TTN: variants seen among roughly 807,000 people sequenced by gnomAD.
TTN encodes the protein titin, also known as connectin.
A neutral mutation model predicts 3,223.0 loss-of-function variants in TTN; 1,525 were observed. The ratio of observed to expected loss-of-function variants is 0.47; its 90% CI spans 0.45 to 0.49. TTN has a LOEUF of 0.49. Among genes scored for constraint, TTN ranks in the 20% least tolerant of loss-of-function variants. The pLI is 0.00. For synonymous variants in TTN, 14,094 were observed against 15,161.0 expected (o/e 0.93, Z 5.17); for missense variants, 40,786 against 43,424.0 (o/e 0.94, Z 5.40).
At chr2:178,771,750 G>C (rs774373735) in intron 33 of TTN, among the ~76,000 whole-genome samples, 1 of 152,072 alleles carries the variant, frequency 6.6e-6, no homozygotes, top group South Asian at 2.1e-4. Context: ...TATACCACCA[G>C]GATAGTCTCT....
At position 178,729,528 on chromosome 2, in the gene TTN, C is replaced by T. The variant is rs766360972; in HGVS notation, c.18628G>A (p.Val6210Ile). The T allele has an allele frequency of 3.7e-6, 6 of 1,613,374 alleles. No individual in the cohort carries two copies. In the African/African-American group the frequency reaches 8.0e-5, roughly 22 times the overall value. The part of the protein sequence containing the change: ...TFIRELKPVE[V>I]VKYSDVELEC... ...AGCTCCACGTCACTATATTTTACTA[C>T]CTCCACAGGCTTCAGCTCTCTGATA... is the stretch of plus-strand genomic sequence containing the variant. The change falls in exon 64 of 363, where the codon GTA (valine) becomes ATA (isoleucine). Residue 6210 changes from valine (V) to isoleucine (I), a missense_variant. By Grantham distance (29) the Val-to-Ile change is conservative. Coordinates refer to ENST00000589042, the MANE Select transcript of TTN (RefSeq NM_001267550.2).
intron 37 of TTN, 26 bp downstream of exon 37, chr2:178,769,653 A>G (rs772868001): frequency 4.1e-5 from 42 of 1,032,714 alleles, no homozygotes; most frequent in East Asian, 6.4e-5. Flanking sequence ...ATATGTGTAT[A>G]TATATATATA....
In TTN at chr2:178,725,374, C is replaced by A. The variant is rs2079162110; in HGVS notation, c.20830G>T (p.Val6944Phe). 6.4e-7 allele frequency: 1 copy of A among 1,563,132 alleles called. No individual in the cohort carries two copies. The highest frequency in any genetic ancestry group is 8.7e-7 in the Non-Finnish European group (1 of 1,152,410). Residue 6944 changes from valine (V) to phenylalanine (F), a missense_variant, in exon 71 of 363, where the codon GTC (valine) becomes TTC (phenylalanine). Transcript: ENST00000589042. The part of the protein sequence containing the change: ...GMRENMATLM[V>F]LEPAVIVEKA... The stretch of plus-strand genomic sequence containing the variant: ...CGTGGGCTATTGTACCAACCTAAGA[C>A]CATCAGTGTGGCCATGTTCTCCCTC...
At chr2:178,726,578 C>G (rs1422452329) in intron 69 of TTN, 1 of 150,358 alleles carries the variant, frequency 6.7e-6, no homozygotes, top group Non-Finnish European at 1.5e-5. Flanking sequence ...AACACAGATA[C>G]TATTTGTACC....
chr2:178,579,710 T>C lies in TTN; in HGVS notation c.67487A>G (p.Lys22496Arg), dbSNP rs397517669. 1.3e-5 allele frequency: 21 copies of C among 1,613,332 alleles called. No homozygotes were observed. Among genetic ancestry groups the C allele is most frequent in the Non-Finnish European group, 1.7e-5 (20 of 1,179,538 alleles). The change falls in exon 319 of 363, where the codon AAG becomes AGG. Residue 22496 changes from lysine (K) to arginine (R), a missense_variant. Physicochemically the swap from Lys to Arg is conservative, Grantham distance 26 (BLOSUM62 2). Coordinates refer to ENST00000589042, the MANE Select transcript of TTN (RefSeq NM_001267550.2). Reference protein sequence around the residue: ...YVVDFLTEENKWQRVMKSLSL... With the variant: ...YVVDFLTEENRWQRVMKSLSL... ...TAAGGATTTCATAACTCGTTGCCAC[T>C]TATTTTCTTCAGTCAGGAAATCAAC...
intron 294 of TTN, among the ~76,000 whole-genome samples, chr2:178,597,176 T>G (rs2051927737): frequency 6.6e-6 from 1 of 152,082 alleles, no homozygotes; most frequent in Non-Finnish European, 1.5e-5. Context: ...TGGGGGCAAG[T>G]TCTATAAAAA....
Position 178,565,987 on chromosome 2 carries a change from G to C in TTN, c.80145C>G (p.Val26715=), listed in dbSNP as rs761074887. The change falls in exon 326 of 363, where the codon GTC becomes GTG. Residue 26715 remains valine, a synonymous_variant. Transcript: ENST00000589042. ...CACGTTTGTCAATCACATAGTTCTT[G>C]ACCTTTGCCCCTCCATCAATGATGG... ...EPPIIDGGAK[V]KNYVIDKRES... is the part of the protein sequence containing the mutation. 3.7e-6 allele frequency: 6 copies of C among 1,613,404 alleles called. No homozygotes were observed. The East Asian group carries it at 1.3e-4, about 36-fold the overall frequency.
chr2:178,562,217 A>G lies in TTN; in HGVS notation c.83915T>C (p.Phe27972Ser), dbSNP rs1703936527. The change falls in exon 326 of 363, where the codon TTC becomes TCC. Residue 27972 changes from phenylalanine to serine, a missense_variant. Phe to Ser is a radical substitution (Grantham distance 155). Transcript: ENST00000589042. The part of the protein sequence containing the change: ...KPSVELPFHT[F>S]NVKAREQLKI... ...AAGTTGTTCTCTAGCCTTTACATTG[A>G]AAGTATGGAAAGGAAGCTCAACTGA... The G allele has an allele frequency of 6.2e-7, 1 of 1,612,530 alleles. No homozygotes were observed. Among genetic ancestry groups the G allele is most frequent in the Non-Finnish European group, 8.5e-7 (1 of 1,179,356 alleles).
Position 178,732,973 on chromosome 2 carries a change from G to C in TTN, c.16203C>G (p.Asp5401Glu). Residue 5401 changes from aspartate (D) to glutamate (E), a missense_variant, in exon 55 of 363, where the codon GAC becomes GAG. By Grantham distance (45) the Asp-to-Glu change is conservative (BLOSUM62 2). Coordinates refer to ENST00000589042, the MANE Select transcript of TTN (RefSeq NM_001267550.2). ...CTTCCACAAATGCTATCCTGTATCT[G>C]TCAGAAGCAGCTATTTCTTTGCCAT... ...FKDGKEIAASDRYRIAFVEGT... is the reference protein window; with the variant it reads ...FKDGKEIAASERYRIAFVEGT... 6.2e-7 allele frequency: 1 copy of C among 1,613,560 alleles called. No homozygotes were observed. Among genetic ancestry groups the C allele is most frequent in the South Asian group, 1.1e-5 (1 of 91,078 alleles).
intron 208 of TTN, 116 bp from the exon 209 acceptor site, chr2:178,650,950 C>G: frequency 9.1e-7 from 1 of 1,102,624 alleles, no homozygotes. Context: ...GAACAAATTT[C>G]ACAATAAGGT....
In TTN at chr2:178,711,233, A is replaced by T; in HGVS notation, c.28003T>A (p.Tyr9335Asn). 1 of 1,613,886 alleles carries T rather than the reference A, an allele frequency of 6.2e-7. No homozygotes were observed. The highest frequency in any genetic ancestry group is 8.5e-7 in the Non-Finnish European group (1 of 1,179,808). ...SGSEPISVSWYKDGKPLKDSP... is the reference protein window; with the variant it reads ...SGSEPISVSWNKDGKPLKDSP... Reference sequence around the variant, plus strand: ...TCTTTCAATGGCTTGCCGTCTTTATACCAAGACACGGAGATAGGTTCTGAT... The same window carrying T: ...TCTTTCAATGGCTTGCCGTCTTTATTCCAAGACACGGAGATAGGTTCTGAT... The change falls in exon 97 of 363, where the codon TAT (tyrosine) becomes AAT (asparagine). Residue 9335 changes from tyrosine to asparagine, a missense_variant. Coordinates refer to ENST00000589042, the MANE Select transcript of TTN (RefSeq NM_001267550.2).
intron 96 of TTN, 135 bp from the exon 97 acceptor site, chr2:178,711,484 T>G (rs145747129): frequency 9.1e-7 from 1 of 1,095,752 alleles, no homozygotes; most frequent in Non-Finnish European, 1.3e-6. Context: ...TGAATTAACT[T>G]GGAGATAAAG....
chr2:178,675,329 G>T, intron 149 of TTN: 1 of 400,518 alleles, frequency 2.5e-6, no homozygotes, highest in Non-Finnish European at 4.3e-6. Flanking sequence ...ACTTTTTACT[G>T]CTGGAGCCTC....
In TTN at chr2:178,714,394, A is replaced by C. The variant is rs372229450; in HGVS notation, c.26380T>G (p.Leu8794Val). Residue 8794 changes from leucine to valine, a missense_variant, in exon 91 of 363, where the codon TTA becomes GTA. Leu to Val is a conservative substitution (Grantham distance 32). Coordinates refer to ENST00000589042, the MANE Select transcript of TTN (RefSeq NM_001267550.2). ...GCTGGTTCCACTCTTGAAAACTGTA[A>C]GGTTGCAATGTTTTCTGAATAAGAA... is the stretch of plus-strand genomic sequence containing the variant. ...WISYSENIAT[L>V]QFSRVEPANA... 29 of 1,613,746 alleles carry C rather than the reference A, an allele frequency of 1.8e-5. No homozygotes were observed. The East Asian group carries it at 6.2e-4, about 35-fold the overall frequency.
In TTN at chr2:178,714,143, T is replaced by C; in HGVS notation, c.26515A>G (p.Ile8839Val). Residue 8839 changes from isoleucine to valine, a missense_variant, in exon 92 of 363, where the codon ATA becomes GTA. Physicochemically the swap from Ile to Val is conservative, Grantham distance 29 (BLOSUM62 3). Coordinates refer to ENST00000589042, the MANE Select transcript of TTN (RefSeq NM_001267550.2). ...CAGGTGTCTCCCGTGGTAACTTTTATGGATTCTGGCTTTTCTACAATTGTT... is the reference window on the plus strand; with the variant it reads ...CAGGTGTCTCCCGTGGTAACTTTTACGGATTCTGGCTTTTCTACAATTGTT... Reference protein sequence around the residue: ...PATIVEKPESIKVTTGDTCTL... With the variant: ...PATIVEKPESVKVTTGDTCTL... The C allele has an allele frequency of 1.9e-6, 3 of 1,613,230 alleles. No homozygotes were observed. The highest frequency in any genetic ancestry group is 2.5e-6 in the Non-Finnish European group (3 of 1,179,520).
rs1298664139 is a variant in TTN, at chr2:178,733,771, C to T, written c.15618G>A (p.Glu5206=). 2 of 1,613,708 alleles carry T rather than the reference C, an allele frequency of 1.2e-6. No individual in the cohort carries two copies. The highest frequency in any genetic ancestry group is 2.7e-5 in the African/African-American group (2 of 74,916). The change falls in exon 53 of 363, where the codon GAG becomes GAA. Residue 5206 remains glutamate, a synonymous_variant. Coordinates refer to ENST00000589042, the MANE Select transcript of TTN (RefSeq NM_001267550.2). The part of the protein sequence containing the change: ...PISVTWMKGQ[E]VIREDGKIKM... Reference sequence around the variant, plus strand: ...TGATTTTTCCGTCTTCTCTGATGACCTCTTGACCTTTCATCCATGTGACAG... The same window carrying T: ...TGATTTTTCCGTCTTCTCTGATGACTTCTTGACCTTTCATCCATGTGACAG...
chr2:178,586,969 T>C, intron 307 of TTN, 149 bp downstream of exon 307: 5 of 1,360,566 alleles, frequency 3.7e-6, no homozygotes, highest in Non-Finnish European at 5.1e-6. Flanking sequence ...ATCAAAAAAG[T>C]GTTTCATGAG....
In TTN at chr2:178,681,128, A is replaced by G; in HGVS notation, c.33291T>C (p.Ile11097=). Residue 11097 remains isoleucine, a synonymous_variant, in exon 138 of 363, where the codon ATT becomes ATC. Transcript: ENST00000589042. Reference sequence around the variant, plus strand: ...GCTCTTTTTCACGTTTGGTAATTGAAATACGTATTTTTTCCTCAAAAACTT... The same window carrying G: ...GCTCTTTTTCACGTTTGGTAATTGAGATACGTATTTTTTCCTCAAAAACTT... ...PKKVFEEKIR[I]SITKREKEQV... The G allele has an allele frequency of 3.1e-6, 5 of 1,605,110 alleles. No homozygotes were observed. Among genetic ancestry groups the G allele is most frequent in the Non-Finnish European group, 4.2e-6 (5 of 1,177,368 alleles).
chr2:178,589,849 G>A lies in TTN; in HGVS notation c.61876C>T (p.Arg20626Ter), dbSNP rs72646846. ...WSIVASDVTK[R>*]LIKANLLANN... is the part of the protein sequence containing the mutation. ...GCTAAAAGGTTGGCCTTGATTAATC[G>A]TTTAGTGACATCTGATGCAACAATT... The change falls in exon 304 of 363, where the codon CGA becomes TGA. Residue 20626 changes from arginine (R) to a stop codon, truncating the protein, a stop_gained. Transcript: ENST00000589042. LOFTEE classifies it high-confidence loss of function. 57 of 1,613,266 alleles carry A rather than the reference G, an allele frequency of 3.5e-5. No homozygotes were observed. The highest frequency in any genetic ancestry group is 2.2e-5 in the South Asian group (2 of 91,080).
Sources: gnomAD v4.1 joint callset for allele counts (sites outside exome capture counted in the v4.1 genomes callset) on GRCh38, gnomAD v4.1.1 for gene constraint, MANE v1.5 for transcripts, NCBI Gene and HGNC (gene_info 2026-07-23, HGNC 2026-07-21) for gene names.